ZRANB1: variants seen among roughly 807,000 people sequenced by gnomAD.
The protein encoded by ZRANB1 is zinc finger RANBP2-type containing 1.
Under a neutral mutation model 80.5 loss-of-function variants are expected in ZRANB1, and 16 were observed. That is an observed-to-expected ratio of 0.20 (90% confidence interval 0.13 to 0.30). The LOEUF (loss-of-function observed/expected upper bound fraction) is 0.30, where lower values mean the gene tolerates loss of function less well. Among genes scored for constraint, ZRANB1 ranks in the 10% least tolerant of loss-of-function variants. ZRANB1 has a pLI of 1.00. For missense variants in ZRANB1, 576 were observed against 862.6 expected (o/e 0.67, Z 4.16); for synonymous variants, 291 against 293.1 (o/e 0.99, Z 0.07).
At chr10:124,970,636 A>G (rs1951815682) in intron 2 of ZRANB1, among the ~76,000 whole-genome samples, 1 of 152,140 alleles carries the variant, frequency 6.6e-6, no homozygotes, top group South Asian at 2.1e-4. Flanking sequence ...TTTAATAGCA[A>G]TAGCAGTTAG....
the ZRANB1 span, among the ~76,000 whole-genome samples, chr10:124,925,073 A>C: frequency 2.6e-5 from 4 of 151,882 alleles, no homozygotes; most frequent in East Asian, 7.7e-4. Context: ...ATGCCTGGCT[A>C]ATTTTTGTAT....
At position 124,972,016 on chromosome 10, in the gene ZRANB1, A is replaced by C. The variant is rs761223975; in HGVS notation, c.1054A>C (p.Thr352Pro). Residue 352 changes from threonine to proline, a missense_variant, in exon 3 of 9, where the codon ACA becomes CCA. Coordinates refer to ENST00000359653, the MANE Select transcript of ZRANB1 (RefSeq NM_017580.3). ...CIPAMVCPEL[T>P]EQIRREIAAS... ...TCCAGCAATGGTGTGTCCTGAACTG[A>C]CAGAACAAATCCGGAGAGAGATAGC... The C allele has an allele frequency of 2.9e-5, 46 of 1,613,792 alleles. No homozygotes were observed.
chr10:124,959,226 TGAAAG>T (rs1210554855), intron 1 of ZRANB1, among the ~76,000 whole-genome samples: 3 of 152,234 alleles, frequency 2.0e-5, no homozygotes, highest in South Asian at 4.2e-4. Flanking sequence ...AGCTGAAACT[TGAAAG>T]AGAAGAAGGA....
chr10:124,920,427 ACTC>A, the ZRANB1 span, among the ~76,000 whole-genome samples: 1 of 151,452 alleles, frequency 6.6e-6, no homozygotes, highest in Non-Finnish European at 1.5e-5. Flanking sequence ...CTTAGAGAAA[ACTC>A]CTTTATACAG....
At chr10:124,923,076 C>G in the ZRANB1 span, among the ~76,000 whole-genome samples, 1 of 152,028 alleles carries the variant, frequency 6.6e-6, no homozygotes, top group Admixed American at 6.5e-5. Flanking sequence ...ATCACAAGGT[C>G]AGGAGTTCAA....
rs201581580 is a variant in ZRANB1, at chr10:124,974,244, G to T, written c.1273G>T (p.Ala425Ser). 8.1e-6 allele frequency: 13 copies of T among 1,614,232 alleles called. No homozygotes were observed. The Admixed American group carries it at 1.2e-4, about 14-fold the overall frequency. The change falls in exon 5 of 9, where the codon GCT becomes TCT. Residue 425 changes from alanine (A) to serine (S), a missense_variant. By Grantham distance (99) the Ala-to-Ser change is moderately conservative. This residue lies in a region of ZRANB1 where 411 missense variants were observed against 583.1 expected (regional missense o/e 0.70). Transcript: ENST00000359653. ...AATTATTAACTGGTCCTTGGAATTG[G>T]CTACACGTTTGGACAGTCGACTGTA... Reference protein sequence around the residue: ...SPIINWSLELATRLDSRLYAL... With the variant: ...SPIINWSLELSTRLDSRLYAL...
At chr10:124,924,092 T>C in the ZRANB1 span, among the ~76,000 whole-genome samples, 20 of 151,974 alleles carry the variant, frequency 1.3e-4, no homozygotes, top group African/African-American at 4.6e-4. Flanking sequence ...TTTTTTGAGA[T>C]GGGGTCTTGG....
intron 4 of ZRANB1, among the ~76,000 whole-genome samples, 165 bp downstream of exon 4, chr10:124,973,881 A>G (rs925413849): frequency 6.6e-6 from 1 of 152,226 alleles, no homozygotes; most frequent in Non-Finnish European, 1.5e-5. Context: ...GTTCACTGTT[A>G]CAGAGTGAAC....
chr10:124,953,923 A>T (rs372577774), intron 1 of ZRANB1, among the ~76,000 whole-genome samples: 72 of 150,764 alleles, frequency 4.8e-4, no homozygotes, highest in South Asian at 8.4e-4. Context: ...CTACTGAAAG[A>T]TACTCTTCTG....
the ZRANB1 span, among the ~76,000 whole-genome samples, chr10:124,932,092 A>G: frequency 6.6e-6 from 1 of 152,082 alleles, no homozygotes; most frequent in South Asian, 2.1e-4. Context: ...GTTGTCTGTC[A>G]CTTAGTAGTA....
At chr10:124,946,922 A>AG (rs1951590361) in intron 1 of ZRANB1, among the ~76,000 whole-genome samples, 1 of 152,142 alleles carries the variant, frequency 6.6e-6, no homozygotes, top group South Asian at 2.1e-4. Flanking sequence ...AGTGTTTTTT[A>AG]AAAAATACAT....
At chr10:124,917,181 TGCCGCCGCCGCCGCC>T in the ZRANB1 span, 17 of 168,590 alleles carry the variant, frequency 1.0e-4, no homozygotes, top group East Asian at 1.8e-4. Flanking sequence ...GAGTCGCCGC[TGCCGCCGCCGCCGCC>T]GCCGCCGCCG....
At chr10:124,941,053 G>A (rs1348423080), upstream of ZRANB1, among the ~76,000 whole-genome samples, 2 of 152,062 alleles carry the variant, frequency 1.3e-5, no homozygotes, top group Non-Finnish European at 2.9e-5. Context: ...TCTAGGTTCA[G>A]GAAAAATCCC....
intron 2 of ZRANB1, 125 bp from the exon 3 acceptor site, chr10:124,971,840 T>C (rs111584893): frequency 1.2e-6 from 1 of 814,232 alleles, no homozygotes; most frequent in African/African-American, 1.8e-5. Flanking sequence ...ATAATACCAG[T>C]GTATTTTAAG....
In ZRANB1 at chr10:124,943,417, G is replaced by C. The variant is rs892780252; in HGVS notation, c.814+110G>C. On this transcript the variant is annotated intron_variant, in intron 1 of 8. Coordinates refer to ENST00000359653, the MANE Select transcript of ZRANB1 (RefSeq NM_017580.3). ...CGTTTGTGGTCTTAGCCACTTGCTTGAAACCAGGAGTTTGAGGCTGTAGTA... is the reference window on the plus strand; with the variant it reads ...CGTTTGTGGTCTTAGCCACTTGCTTCAAACCAGGAGTTTGAGGCTGTAGTA... 5 of 1,031,078 alleles carry C rather than the reference G, an allele frequency of 4.8e-6. No individual in the cohort carries two copies. The African/African-American group carries it at 6.5e-5, about 13-fold the overall frequency. 63.9% of individuals were successfully genotyped at this position (1,031,078 alleles called of 1,614,324 possible).
At chr10:124,950,831 A>T (rs545615473) in intron 1 of ZRANB1, among the ~76,000 whole-genome samples, 2 of 152,290 alleles carry the variant, frequency 1.3e-5, no homozygotes, top group South Asian at 2.1e-4. Context: ...AATAAAAAAA[A>T]TTAGCAGGAC....
chr10:124,964,141 A>G (rs1460915995), intron 1 of ZRANB1, among the ~76,000 whole-genome samples: 9 of 152,234 alleles, frequency 5.9e-5, no homozygotes, highest in Non-Finnish European at 1.3e-4. Flanking sequence ...TAGAAATCCT[A>G]GTTGTGTTTG....
At chr10:124,984,581 T>C (rs1048326422) in intron 8 of ZRANB1, 193 bp from the exon 9 acceptor site, 7 of 551,924 alleles carry the variant, frequency 1.3e-5, no homozygotes, top group Admixed American at 3.4e-5. Context: ...TTCCCATTTA[T>C]GTCTTTTTAA....
At chr10:124,926,347 G>T in the ZRANB1 span, among the ~76,000 whole-genome samples, 1 of 152,070 alleles carries the variant, frequency 6.6e-6, no homozygotes, top group Admixed American at 6.5e-5. Context: ...TTAGACTTTT[G>T]TAGTAACACT....
Sources: gnomAD v4.1 joint callset for allele counts (sites outside exome capture counted in the v4.1 genomes callset) on GRCh38, gnomAD v4.1.1 for gene constraint, gnomAD v4.1.1 regional missense constraint, MANE v1.5 for transcripts, NCBI Gene and HGNC (gene_info 2026-07-23, HGNC 2026-07-21) for gene names.